Variants in GDAP2 observed in about 807,000 individuals in gnomAD.
GDAP2 encodes ganglioside-induced differentiation-associated protein 2.
In GDAP2, 51 loss-of-function variants were observed where a neutral mutation model predicts 67.0. The observed-to-expected ratio is 0.76, with a 90% CI of 0.61 to 0.96. The LOEUF (loss-of-function observed/expected upper bound fraction) is 0.96, where lower values mean the gene tolerates loss of function less well. GDAP2 is among the 40% of genes least tolerant of loss of function. The probability of loss-of-function intolerance (pLI) is 0.00; values close to 1 mark genes in which losing one functional copy is unlikely to be tolerated. For missense variants in GDAP2, 547 were observed against 588.3 expected (o/e 0.93, Z 0.73); for synonymous variants, 203 against 207.3 (o/e 0.98, Z 0.18).
In GDAP2 at chr1:117,865,581, T is replaced by A. The variant is rs1170925173; in HGVS notation, c.*4988A>T. ...GTCTGTGATGACTGTGTGCTTACGT[T>A]AACGAAACACATTACAAAAAAAAAA... is the stretch of plus-strand genomic sequence containing the variant. On this transcript the variant is annotated 3_prime_UTR_variant, in exon 14 of 14. Coordinates refer to ENST00000369443, the MANE Select transcript of GDAP2 (RefSeq NM_017686.4). The A allele has an allele frequency of 6.6e-6, 1 of 152,092 alleles. No individual in the cohort carries two copies. The highest frequency in any genetic ancestry group is 1.5e-5 in the Non-Finnish European group (1 of 68,012). The allele number at this position is 152,092 out of a possible 1,614,324, so 9.4% of individuals were successfully genotyped here.
At chr1:117,872,714 G>T (rs1470593122) in intron 13 of GDAP2, among the ~76,000 whole-genome samples, 1 of 151,952 alleles carries the variant, frequency 6.6e-6, no homozygotes, top group African/African-American at 2.4e-5. Context: ...AGCATTAGGG[G>T]AATAAGCTAA....
rs1296866420 is a variant in GDAP2, at chr1:117,912,609, G to T, written c.391C>A (p.Pro131Thr). The change falls in exon 4 of 14, where the codon CCT (proline) becomes ACT (threonine). Residue 131 changes from proline to threonine, a missense_variant. Coordinates refer to ENST00000369443, the MANE Select transcript of GDAP2 (RefSeq NM_017686.4). ...AARFIIHTVGPKYKSRYRTAA... is the reference protein window; with the variant it reads ...AARFIIHTVGTKYKSRYRTAA... ...GTGCGATAGCGGCTTTTATATTTAG[G>T]TCCCACTGTGTGAATGATGAACCGG... The T allele has an allele frequency of 6.2e-7, 1 of 1,613,296 alleles. No homozygotes were observed. Among genetic ancestry groups the T allele is most frequent in the Non-Finnish European group, 8.5e-7 (1 of 1,179,418 alleles).
intron 13 of GDAP2, chr1:117,877,497 CA>C (rs1648505105): frequency 1.0e-6 from 1 of 973,704 alleles, no homozygotes; most frequent in Admixed American, 6.2e-5. Context: ...GCTTATGTAA[CA>C]GATCCATAAA....
At chr1:117,900,762 T>G (rs1290244306) in intron 6 of GDAP2, among the ~76,000 whole-genome samples, 4 of 111,824 alleles carry the variant, frequency 3.6e-5, no homozygotes, top group South Asian at 6.4e-4. Flanking sequence ...AGACTCCATC[T>G]CAAAAAAAAA....
At chr1:117,917,891 G>A (rs1294013517) in intron 3 of GDAP2, among the ~76,000 whole-genome samples, 1 of 152,038 alleles carries the variant, frequency 6.6e-6, no homozygotes, top group Non-Finnish European at 1.5e-5. Context: ...ATGGTATCTT[G>A]TTTTGCAGTT....
At position 117,866,905 on chromosome 1, in the gene GDAP2, A is replaced by C. The variant is rs570449880; in HGVS notation, c.*3664T>G. 2 of 150,956 alleles carry C rather than the reference A, an allele frequency of 1.3e-5. No homozygotes were observed. The highest frequency in any genetic ancestry group is 3.0e-5 in the Non-Finnish European group (2 of 67,700). The allele number at this position is 150,956 out of a possible 1,614,324, so 9.4% of individuals were successfully genotyped here. On this transcript the variant is annotated 3_prime_UTR_variant, in exon 14 of 14. Coordinates refer to ENST00000369443, the MANE Select transcript of GDAP2 (RefSeq NM_017686.4). ...AGAAAAAGAAAAAGAAACCTAACTAACTCCAGTTTTCAAGGTGTTTTTATA... is the reference window on the plus strand; with the variant it reads ...AGAAAAAGAAAAAGAAACCTAACTACCTCCAGTTTTCAAGGTGTTTTTATA...
At chr1:117,873,052 A>G (rs931689786) in intron 13 of GDAP2, among the ~76,000 whole-genome samples, 9 of 152,154 alleles carry the variant, frequency 5.9e-5, no homozygotes, top group Non-Finnish European at 1.3e-4. Context: ...TCACACCTAC[A>G]TTAAATTATG....
At position 117,918,582 on chromosome 1, in the gene GDAP2, A is replaced by C. The variant is rs773086397; in HGVS notation, c.316+15T>G. 3.8e-6 allele frequency: 6 copies of C among 1,584,432 alleles called. No individual in the cohort carries two copies. Among genetic ancestry groups the C allele is most frequent in the African/African-American group, 1.3e-5 (1 of 74,326 alleles). ...TGTTTTCTAAGCAATAATATATGAA[A>C]GAAAATTCACTCACCTTTAAGTTTC... On this transcript the variant is annotated intron_variant, in intron 3 of 13. Transcript: ENST00000369443.
rs1224710516 is a variant in GDAP2 at position 117,864,266 on chromosome 1, C to T, written c.*6303G>A. On this transcript the variant is annotated 3_prime_UTR_variant, in exon 14 of 14. Transcript: ENST00000369443. The stretch of plus-strand genomic sequence containing the variant: ...GTGCTTAGGTTTGTATTTGTATTGA[C>T]TTCCCTGTTAAGGCCCAGTTCTACA... The T allele has an allele frequency of 6.6e-6, 1 of 152,214 alleles. No homozygotes were observed. The highest frequency in any genetic ancestry group is 1.9e-4 in the East Asian group (1 of 5,204). 9.4% of individuals were successfully genotyped at this position (152,214 alleles called of 1,614,324 possible).
chr1:117,877,862 G>A (rs1223108893), intron 13 of GDAP2, 147 bp downstream of exon 13: 1 of 1,280,364 alleles, frequency 7.8e-7, no homozygotes, highest in Non-Finnish European at 1.0e-6. Context: ...CATAGGGAAA[G>A]TATGTTAAAT....
intron 6 of GDAP2, among the ~76,000 whole-genome samples, chr1:117,899,854 C>T (rs1319307912): frequency 6.6e-6 from 1 of 151,892 alleles, no homozygotes; most frequent in African/African-American, 2.4e-5. Context: ...TTTCTCATTA[C>T]CTAGAATTAC....
At chr1:117,916,105 A>G (rs1650036960) in intron 3 of GDAP2, among the ~76,000 whole-genome samples, 1 of 152,222 alleles carries the variant, frequency 6.6e-6, no homozygotes, top group Admixed American at 6.5e-5. Context: ...GGATACAGTT[A>G]TCACAAGACA....
chr1:117,871,304 TTTTTGGCTCTGA>T (rs1261905695), intron 13 of GDAP2, among the ~76,000 whole-genome samples: 1 of 152,156 alleles, frequency 6.6e-6, no homozygotes, highest in Non-Finnish European at 1.5e-5. Context: ...AAGGGGGAAT[TTTTTGGCTCTGA>T]TTTTGGCTAA....
At chr1:117,924,282 C>T (rs933556700) in intron 1 of GDAP2, among the ~76,000 whole-genome samples, 7 of 152,126 alleles carry the variant, frequency 4.6e-5, no homozygotes, top group Admixed American at 3.9e-4. Context: ...TTCCCTCTTC[C>T]CACCTTTCAC....
chr1:117,890,595 C>A (rs1464234846), intron 8 of GDAP2, among the ~76,000 whole-genome samples: 1 of 151,918 alleles, frequency 6.6e-6, no homozygotes, highest in Non-Finnish European at 1.5e-5. Context: ...GTAATAAGCA[C>A]CCTAAAATCT....
At chr1:117,878,734 A>T (rs1387650530) in intron 12 of GDAP2, among the ~76,000 whole-genome samples, 1 of 152,204 alleles carries the variant, frequency 6.6e-6, no homozygotes, top group African/African-American at 2.4e-5. Context: ...TCTAAAAGCT[A>T]GTCTGCAAAA....
intron 7 of GDAP2, among the ~76,000 whole-genome samples, chr1:117,898,665 A>G (rs1380165188): frequency 6.6e-6 from 1 of 152,202 alleles, no homozygotes; most frequent in Non-Finnish European, 1.5e-5. Flanking sequence ...CAAAGAAACA[A>G]AATGAATGGT....
At chr1:117,874,562 T>C (rs910153493) in intron 13 of GDAP2, among the ~76,000 whole-genome samples, 1 of 152,064 alleles carries the variant, frequency 6.6e-6, no homozygotes, top group Non-Finnish European at 1.5e-5. Context: ...CACATAAAAA[T>C]GGATGAAGGC....
chr1:117,919,543 G>T (rs1181818282), intron 2 of GDAP2, among the ~76,000 whole-genome samples: 1 of 152,130 alleles, frequency 6.6e-6, no homozygotes, highest in African/African-American at 2.4e-5. Flanking sequence ...TGGTTGCCCA[G>T]AGGGATTAAG....
Sources: gnomAD v4.1 joint callset for allele counts (sites outside exome capture counted in the v4.1 genomes callset) on GRCh38, gnomAD v4.1.1 for gene constraint, MANE v1.5 for transcripts, NCBI Gene and HGNC (gene_info 2026-07-23, HGNC 2026-07-21) for gene names.